SRGAP2: variants seen among roughly 807,000 people sequenced by gnomAD.
SRGAP2 encodes SLIT-ROBO Rho GTPase-activating protein 2.
SRGAP2 carries 15 observed loss-of-function variants against 57.2 expected under a neutral mutation model. The observed-to-expected ratio is 0.26, with a 90% confidence interval of 0.18 to 0.40. The LOEUF (loss-of-function observed/expected upper bound fraction) is 0.40. Ranked by LOEUF, SRGAP2 falls within the 10% of genes least tolerant of loss-of-function variation. The probability of loss-of-function intolerance (pLI) is 1.00; values close to 1 mark genes in which losing one functional copy is unlikely to be tolerated. For synonymous variants in SRGAP2, 249 were observed against 248.0 expected (o/e 1.00, Z -0.04); for missense variants, 520 against 669.6 (o/e 0.78, Z 2.47).
At chr1:206,389,455 G>T (rs1169291966) in intron 5 of SRGAP2, among the ~76,000 whole-genome samples, 15 of 152,280 alleles carry the variant, frequency 9.9e-5, no homozygotes, top group African/African-American at 3.4e-4. Flanking sequence ...GGGATTACAG[G>T]CATGAGCCGC....
chr1:206,411,921 C>T (rs1386191694), intron 10 of SRGAP2, among the ~76,000 whole-genome samples: 3 of 152,156 alleles, frequency 2.0e-5, no homozygotes, highest in Non-Finnish European at 2.9e-5. Context: ...TAAAGGAACA[C>T]CTTTCTGAGT....
At chr1:206,385,990 G>T (rs1204539225) in intron 5 of SRGAP2, among the ~76,000 whole-genome samples, 1 of 152,238 alleles carries the variant, frequency 6.6e-6, no homozygotes, top group South Asian at 2.1e-4. Flanking sequence ...GGAAAAAAAA[G>T]AGTAGAGGCA....
chr1:206,463,701 T>C lies in SRGAP2; in HGVS notation c.*2281T>C, dbSNP rs1162360476. 1 of 152,572 alleles carries C rather than the reference T, an allele frequency of 6.6e-6. No individual in the cohort carries two copies. 9.5% of individuals were successfully genotyped at this position (152,572 alleles called of 1,614,324 possible). A position where few individuals can be genotyped will look rare whatever the true frequency, so the allele number is the denominator to read the frequency against. On this transcript the variant is annotated 3_prime_UTR_variant, in exon 23 of 23. Coordinates refer to ENST00000573034, the MANE Select transcript of SRGAP2 (RefSeq NM_015326.5). Reference sequence around the variant, plus strand: ...TGAGTGGTCACCTACTAAACCCAGCTCTGGGGGCAGAGCTGTCTTCCCCAT... The same window carrying C: ...TGAGTGGTCACCTACTAAACCCAGCCCTGGGGGCAGAGCTGTCTTCCCCAT...
chr1:206,301,975 G>T (rs1571795328), intron 2 of SRGAP2, among the ~76,000 whole-genome samples: 1 of 149,820 alleles, frequency 6.7e-6, no homozygotes, highest in African/African-American at 2.5e-5. Flanking sequence ...TGCAGCTCAC[G>T]TGAAAACTCT....
intron 2 of SRGAP2, among the ~76,000 whole-genome samples, chr1:206,212,086 C>T (rs1163811718): frequency 6.6e-6 from 1 of 152,274 alleles, no homozygotes; most frequent in East Asian, 1.9e-4. Flanking sequence ...TTTACCCATT[C>T]GTTCATTGAT....
chr1:206,355,296 G>A (rs1477976125), intron 4 of SRGAP2, among the ~76,000 whole-genome samples: 3 of 152,078 alleles, frequency 2.0e-5, no homozygotes, highest in Non-Finnish European at 4.4e-5. Context: ...GCTTCTGCCC[G>A]TATCCCATAT....
At chr1:206,259,821 AACCCAC>A (rs1553313189) in intron 2 of SRGAP2, among the ~76,000 whole-genome samples, 1 of 135,672 alleles carries the variant, frequency 7.4e-6, no homozygotes, top group African/African-American at 2.7e-5. Flanking sequence ...GGGTTCTTTT[AACCCAC>A]AAAGCTAGAT....
At chr1:206,428,969 T>TATA (rs1199016627) in intron 13 of SRGAP2, among the ~76,000 whole-genome samples, 1 of 152,046 alleles carries the variant, frequency 6.6e-6, no homozygotes, top group African/African-American at 2.4e-5. Flanking sequence ...TTTTAATGAG[T>TATA]ATAATAATAA....
rs1209115810 is a variant in SRGAP2 at position 206,458,686 on chromosome 1, G to T, written c.2571G>T (p.Leu857=). 1 of 778,880 alleles carries T rather than the reference G, an allele frequency of 1.3e-6. No homozygotes were observed. Among genetic ancestry groups the T allele is most frequent in the Admixed American group, 1.7e-5 (1 of 58,758 alleles). 48.2% of individuals were successfully genotyped at this position (778,880 alleles called of 1,614,324 possible). Residue 857 remains leucine, a synonymous_variant, in exon 22 of 23, where the codon CTG becomes CTT. Coordinates refer to ENST00000573034, the MANE Select transcript of SRGAP2 (RefSeq NM_015326.5). ...CTTTTCGGAGTGACAGCCATGGGCTGAGCAGTTCCCTGACTGACTCCTCCT... is the reference window on the plus strand; with the variant it reads ...CTTTTCGGAGTGACAGCCATGGGCTTAGCAGTTCCCTGACTGACTCCTCCT... ...RKTFRSDSHG[L]SSSLTDSSSP...
At chr1:206,342,187 T>C (rs1675248665) in intron 3 of SRGAP2, among the ~76,000 whole-genome samples, 1 of 152,016 alleles carries the variant, frequency 6.6e-6, no homozygotes, top group Non-Finnish European at 1.5e-5. Flanking sequence ...TCAGTAACAT[T>C]TTAATGGCAT....
intron 22 of SRGAP2, among the ~76,000 whole-genome samples, chr1:206,460,373 A>G (rs1349407975): frequency 5.3e-5 from 8 of 152,082 alleles, no homozygotes; most frequent in African/African-American, 1.9e-4. Context: ...CAGGCAATTG[A>G]TTCACCTATG....
intron 10 of SRGAP2, chr1:206,407,635 A>ATT (rs1553357868): frequency 6.7e-6 from 1 of 150,194 alleles, no homozygotes; most frequent in Non-Finnish European, 1.5e-5. Context: ...TTCTAAAACA[A>ATT]CTTTTTAAAA....
intron 4 of SRGAP2, among the ~76,000 whole-genome samples, chr1:206,369,879 A>G (rs2103017881): frequency 6.6e-6 from 1 of 151,926 alleles, no homozygotes; most frequent in Non-Finnish European, 1.5e-5. Flanking sequence ...TTAACCTGTG[A>G]CCCATCAATT....
At chr1:206,289,633 A>C (rs1387170119) in intron 2 of SRGAP2, among the ~76,000 whole-genome samples, 1 of 147,730 alleles carries the variant, frequency 6.8e-6, no homozygotes, top group Non-Finnish European at 1.5e-5. Context: ...ACCACTAATA[A>C]GTTTCATCTA....
chr1:206,248,183 TTATAA>T (rs1668616837), intron 2 of SRGAP2, among the ~76,000 whole-genome samples: 1 of 151,784 alleles, frequency 6.6e-6, no homozygotes, highest in African/African-American at 2.4e-5. Context: ...TCCTTGCTTA[TTATAA>T]TATTATTATT....
chr1:206,279,941 C>A (rs1409791140), intron 2 of SRGAP2, among the ~76,000 whole-genome samples: 3 of 150,986 alleles, frequency 2.0e-5, no homozygotes, highest in Non-Finnish European at 4.4e-5. Context: ...CATTGGCGGG[C>A]GAGGGGGCAG....
At chr1:206,424,269 T>A (rs11119945) in intron 13 of SRGAP2, among the ~76,000 whole-genome samples, 16,439 of 151,854 alleles carry the variant, frequency 0.11, 2,046 homozygotes, top group African/African-American at 0.3. Flanking sequence ...TACCAAAAAA[T>A]AAAAAAGTGT....
rs1368132871 is a variant in SRGAP2, at chr1:206,356,765, C to T, written c.423+13757C>T. Among the ~76,000 whole-genome samples the T allele has an allele frequency of 1.6e-4, 23 of 147,816 alleles. 1 individual carries two copies. The highest frequency in any genetic ancestry group is 3.4e-4 in the Non-Finnish European group (23 of 67,242). On this transcript the variant is annotated intron_variant, in intron 4 of 22. Transcript: ENST00000573034. The stretch of plus-strand genomic sequence containing the variant: ...TTTCCTCCTTTTGACACAGCGTCTT[C>T]AGTTTTTTTTCATTTTCATCTTCTT...
chr1:206,213,048 G>A (rs537297220), intron 2 of SRGAP2, among the ~76,000 whole-genome samples: 2,977 of 151,906 alleles, frequency 0.02, 83 homozygotes, highest in African/African-American at 0.067. Context: ...AAAATTAGCC[G>A]GGTGTGGTGG....
Sources: allele counts gnomAD v4.1 joint callset (sites outside exome capture counted in the v4.1 genomes callset), GRCh38; gene constraint gnomAD v4.1.1; transcripts MANE v1.5; gene names NCBI Gene and HGNC (gene_info 2026-07-23, HGNC 2026-07-21).